The following GALNT14 variants were observed in gnomAD, a reference collection of about 807,000 sequenced individuals.
The protein encoded by GALNT14 is polypeptide N-acetylgalactosaminyltransferase 14.
In GALNT14, 60 loss-of-function variants were observed where a neutral mutation model predicts 77.5. The ratio of observed to expected loss-of-function variants is 0.77; its 90% CI spans 0.63 to 0.96. The LOEUF is 0.96. Ranked by LOEUF, GALNT14 falls within the 40% of genes least tolerant of loss-of-function variation. The pLI is 0.00. For missense variants in GALNT14, 710 were observed against 731.0 expected (o/e 0.97, Z 0.33); for synonymous variants, 280 against 281.7 (o/e 0.99, Z 0.06).
intron 1 of GALNT14, among the ~76,000 whole-genome samples, chr2:31,044,189 T>C (rs1439422682): frequency 6.6e-6 from 1 of 152,208 alleles, no homozygotes; most frequent in African/African-American, 2.4e-5. Context: ...CCTTTTGTCC[T>C]GACACATCAG....
At chr2:31,056,591 C>T (rs936213156) in intron 1 of GALNT14, among the ~76,000 whole-genome samples, 8 of 152,122 alleles carry the variant, frequency 5.3e-5, no homozygotes, top group Non-Finnish European at 1.0e-4. Context: ...CTGGGTCTTT[C>T]GTGTGCACCT....
At chr2:31,049,949 G>C (rs1673731893) in intron 1 of GALNT14, among the ~76,000 whole-genome samples, 1 of 152,154 alleles carries the variant, frequency 6.6e-6, no homozygotes, top group South Asian at 2.1e-4. Flanking sequence ...GGAAAAGTAT[G>C]GGACCAGGAG....
intron 1 of GALNT14, among the ~76,000 whole-genome samples, chr2:31,074,358 G>A (rs1451678983): frequency 6.6e-6 from 1 of 152,170 alleles, no homozygotes; most frequent in Non-Finnish European, 1.5e-5. Flanking sequence ...CAGTCCATAT[G>A]CAGCGCTAGG....
At chr2:31,017,531 G>C (rs1046166511) in intron 1 of GALNT14, among the ~76,000 whole-genome samples, 1 of 152,160 alleles carries the variant, frequency 6.6e-6, no homozygotes, top group African/African-American at 2.4e-5. Flanking sequence ...TGAAGTAAAG[G>C]GTTTAAAGAC....
intron 1 of GALNT14, among the ~76,000 whole-genome samples, chr2:31,024,483 C>T (rs1046614157): frequency 2.0e-5 from 3 of 152,160 alleles, no homozygotes; most frequent in South Asian, 2.1e-4. Flanking sequence ...CCAGGCCAGC[C>T]GAGCTGCCAC....
chr2:30,915,232 T>C (rs956871188), intron 13 of GALNT14, among the ~76,000 whole-genome samples: 3 of 152,070 alleles, frequency 2.0e-5, no homozygotes, highest in African/African-American at 4.8e-5. Flanking sequence ...GGCAGTTATT[T>C]TGACATCCTC....
intron 1 of GALNT14, among the ~76,000 whole-genome samples, chr2:31,086,732 C>T (rs996160078): frequency 6.6e-5 from 10 of 152,238 alleles, no homozygotes; most frequent in Middle Eastern, 3.4e-3. Context: ...ATTATTTAGT[C>T]CTCCCGTACC....
At chr2:31,129,895 A>G (rs1367653051) in intron 1 of GALNT14, among the ~76,000 whole-genome samples, 2 of 152,230 alleles carry the variant, frequency 1.3e-5, no homozygotes, top group Non-Finnish European at 2.9e-5. Context: ...GAGTGGCCCT[A>G]CTAGTTCTAT....
the GALNT14 span, among the ~76,000 whole-genome samples, chr2:30,902,887 A>G: frequency 6.6e-6 from 1 of 152,154 alleles, no homozygotes; most frequent in South Asian, 2.1e-4. Context: ...CTGTTTCACT[A>G]CATAGGAGAG....
intron 1 of GALNT14, among the ~76,000 whole-genome samples, chr2:31,058,732 T>C (rs1157135954): frequency 1.3e-5 from 2 of 152,108 alleles, no homozygotes; most frequent in Non-Finnish European, 2.9e-5. Flanking sequence ...ATACACAACG[T>C]CCCATGACAT....
downstream of GALNT14, among the ~76,000 whole-genome samples, chr2:30,907,642 C>G (rs1184363554): frequency 2.0e-5 from 3 of 151,846 alleles, no homozygotes; most frequent in Non-Finnish European, 2.9e-5. Flanking sequence ...CAAGGAGGAA[C>G]TGGTACCATT....
downstream of GALNT14, among the ~76,000 whole-genome samples, chr2:30,909,558 C>T (rs1191664911): frequency 1.3e-5 from 2 of 150,208 alleles, no homozygotes; most frequent in East Asian, 2.0e-4. Flanking sequence ...AGTCAGGAAA[C>T]AACAGGTGCT....
At position 31,109,534 on chromosome 2, in the gene GALNT14, T is replaced by G. The variant is rs1055037746; in HGVS notation, c.129+28424A>C. The stretch of plus-strand genomic sequence containing the variant: ...CCTTCCTTGAGAGTATAAACTGGCT[T>G]GGCTCGAATTATGTCTAATTAGGAT... On this transcript the variant is annotated intron_variant, in intron 1 of 14. Coordinates refer to ENST00000349752, the MANE Select transcript of GALNT14 (RefSeq NM_024572.4). Among the ~76,000 whole-genome samples, 3 of 152,210 alleles carry G rather than the reference T, an allele frequency of 2.0e-5. No individual in the cohort carries two copies. The South Asian group carries it at 6.2e-4, about 32-fold the overall frequency.
chr2:31,062,703 C>A (rs912226115), intron 1 of GALNT14, among the ~76,000 whole-genome samples: 1 of 150,970 alleles, frequency 6.6e-6, no homozygotes, highest in Admixed American at 6.6e-5. Flanking sequence ...TCCTATTTCT[C>A]CACATCCTCT....
chr2:30,898,136 C>T, the GALNT14 span, among the ~76,000 whole-genome samples: 1 of 152,134 alleles, frequency 6.6e-6, no homozygotes, highest in Non-Finnish European at 1.5e-5. Context: ...AAAAGGGACC[C>T]CCAGAGAGTG....
intron 1 of GALNT14, among the ~76,000 whole-genome samples, chr2:31,103,479 GAGA>G (rs1019010764): frequency 2.2e-5 from 2 of 91,418 alleles, no homozygotes; most frequent in Middle Eastern, 5.9e-3. Flanking sequence ...GCTGCGTATA[GAGA>G]AGAAGGAAAC....
chr2:31,114,624 A>C (rs1352873467), intron 1 of GALNT14: 1 of 627,454 alleles, frequency 1.6e-6, no homozygotes, highest in African/African-American at 1.9e-5. Flanking sequence ...CAGGGGCAAA[A>C]AGAAATTTCG....
chr2:31,087,033 C>T (rs544175823), intron 1 of GALNT14, among the ~76,000 whole-genome samples: 1 of 152,222 alleles, frequency 6.6e-6, no homozygotes, highest in Admixed American at 6.5e-5. Flanking sequence ...GGGAATGTGG[C>T]CTTTTAGATA....
At chr2:30,893,370 C>G in the GALNT14 span, among the ~76,000 whole-genome samples, 1 of 152,080 alleles carries the variant, frequency 6.6e-6, no homozygotes, top group South Asian at 2.1e-4. Flanking sequence ...AGATAGAAAA[C>G]TAGGGAAGCG....
Sources: gnomAD v4.1 joint callset for allele counts (sites outside exome capture counted in the v4.1 genomes callset) on GRCh38, gnomAD v4.1.1 for gene constraint, MANE v1.5 for transcripts, NCBI Gene and HGNC (gene_info 2026-07-23, HGNC 2026-07-21) for gene names.